Variants in SLC2A7 observed in about 807,000 individuals in gnomAD.
SLC2A7 encodes the protein solute carrier family 2, facilitated glucose transporter member 7.
In SLC2A7, 50 loss-of-function variants were observed where a neutral mutation model predicts 50.5. The ratio of observed to expected loss-of-function variants is 0.99; its 90% confidence interval spans 0.79 to 1.25. The LOEUF (loss-of-function observed/expected upper bound fraction) is 1.25, where lower values mean the gene tolerates loss of function less well. SLC2A7 is among the 50% of genes most tolerant of loss of function. The probability of loss-of-function intolerance (pLI) is 0.00; values close to 1 mark genes in which losing one functional copy is unlikely to be tolerated. For synonymous variants in SLC2A7, 308 were observed against 300.4 expected (o/e 1.03, Z -0.26); for missense variants, 683 against 679.1 (o/e 1.01, Z -0.06).
intron 3 of SLC2A7, among the ~76,000 whole-genome samples, chr1:9,020,698 G>A (rs1640900929): frequency 6.7e-6 from 1 of 148,618 alleles, no homozygotes; most frequent in South Asian, 2.1e-4. Flanking sequence ...TTGAGATGGA[G>A]TCTTGCTCTG....
At chr1:8,996,746 T>C in the SLC2A7 span, among the ~76,000 whole-genome samples, 1 of 152,186 alleles carries the variant, frequency 6.6e-6, no homozygotes, top group Non-Finnish European at 1.5e-5. Context: ...CTCATTGTGG[T>C]TTTAATTTAC....
Position 9,014,711 on chromosome 1 carries a change from C to T in SLC2A7, c.873G>A (p.Met291Ile), listed in dbSNP as rs1376618523. Reference protein sequence around the residue: ...RWQLLSIIVLMAGQQLSGINA... With the variant: ...RWQLLSIIVLIAGQQLSGINA... ...TGATGCCCGACAGCTGCTGGCCGGC[C>T]ATGAGCACGATGATGGAGAGGAGCT... Residue 291 changes from methionine (M) to isoleucine (I), a missense_variant, in exon 7 of 12, where the codon ATG becomes ATA. Physicochemically the swap from Met to Ile is conservative, Grantham distance 10. Transcript: ENST00000400906. 1 of 1,564,836 alleles carries T rather than the reference C, an allele frequency of 6.4e-7. No individual in the cohort carries two copies. The highest frequency in any genetic ancestry group is 8.7e-7 in the Non-Finnish European group (1 of 1,154,676).
In SLC2A7 at chr1:9,010,172, G is replaced by C. The variant is rs1447962908; in HGVS notation, c.1087C>G (p.Leu363Val). 5.2e-6 allele frequency: 8 copies of C among 1,552,294 alleles called. No individual in the cohort carries two copies. Among genetic ancestry groups the C allele is most frequent in the Non-Finnish European group, 7.0e-6 (8 of 1,147,456 alleles). Residue 363 changes from leucine (L) to valine (V), a missense_variant, in exon 9 of 12, where the codon CTG becomes GTG. Coordinates refer to ENST00000400906, the MANE Select transcript of SLC2A7 (RefSeq NM_207420.3). Reference protein sequence around the residue: ...AGYGICGSACLVLTVVLLFQN... With the variant: ...AGYGICGSACVVLTVVLLFQN... The stretch of plus-strand genomic sequence containing the variant: ...AATAGGAGCACCACCGTCAGCACCA[G>C]GCAGGCAGAGCCGCAGATGCCGTAG...
At chr1:9,013,460 C>A (rs1281066213) in intron 8 of SLC2A7, 65 bp downstream of exon 8, 1 of 1,427,636 alleles carries the variant, frequency 7.0e-7, no homozygotes, top group Non-Finnish European at 9.8e-7. Flanking sequence ...CTGTGGGGCT[C>A]CTGTCTGCCT....
rs1364034290 is a variant in SLC2A7 at position 9,010,253 on chromosome 1, G to T, written c.1015-9C>A. On this transcript the variant is annotated splice_polypyrimidine_tract_variant and intron_variant, in intron 8 of 11. Transcript: ENST00000400906. The stretch of plus-strand genomic sequence containing the variant: ...CGCTCCACAAGGACAGCCTGGAGGG[G>T]AAGGGGGACAGTGAGAAGCCGCCTT... The T allele has an allele frequency of 2.6e-6, 4 of 1,549,920 alleles. No homozygotes were observed. The highest frequency in any genetic ancestry group is 3.9e-5 in the Admixed American group (2 of 50,968).
chr1:9,004,722 GA>G, intron 11 of SLC2A7, 29 bp downstream of exon 11: 1 of 1,612,902 alleles, frequency 6.2e-7, no homozygotes, highest in Non-Finnish European at 8.5e-7. Context: ...AGGCCCGGTG[GA>G]GCGGGTTGGG....
At position 9,014,764 on chromosome 1, in the gene SLC2A7, G is replaced by A; in HGVS notation, c.820C>T (p.Leu274Phe). Reference protein sequence around the residue: ...RAEGHLSVLHLCALRSLRWQL... With the variant: ...RAEGHLSVLHFCALRSLRWQL... ...CAGCGCAGGGACCGCAGGGCACAGAGGTGCAGCACAGACAGGTGGCCCTCG... is the reference window on the plus strand; with the variant it reads ...CAGCGCAGGGACCGCAGGGCACAGAAGTGCAGCACAGACAGGTGGCCCTCG... The change falls in exon 7 of 12, where the codon CTC (leucine) becomes TTC (phenylalanine). Residue 274 changes from leucine to phenylalanine, a missense_variant. Transcript: ENST00000400906. 1 of 1,594,280 alleles carries A rather than the reference G, an allele frequency of 6.3e-7. No individual in the cohort carries two copies. Among genetic ancestry groups the A allele is most frequent in the Non-Finnish European group, 8.5e-7 (1 of 1,171,152 alleles).
chr1:9,020,440 G>A (rs1640895162), intron 3 of SLC2A7, among the ~76,000 whole-genome samples: 1 of 152,092 alleles, frequency 6.6e-6, no homozygotes, highest in Non-Finnish European at 1.5e-5. Flanking sequence ...AGGAGAGGGA[G>A]TGCCTGAAAA....
chr1:9,014,689 T>C lies in SLC2A7; in HGVS notation c.895A>G (p.Ile299Val), dbSNP rs1178117033. 1.3e-6 allele frequency: 2 copies of C among 1,556,420 alleles called. No homozygotes were observed. Among genetic ancestry groups the C allele is most frequent in the Non-Finnish European group, 8.7e-7 (1 of 1,149,896 alleles). Residue 299 changes from isoleucine to valine, a missense_variant, in exon 7 of 12, where the codon ATC becomes GTC. Transcript: ENST00000400906. ...VLMAGQQLSG[I>V]NAINYYADTI... ...GCCACCGTCCCACATACCGCATTGATGCCCGACAGCTGCTGGCCGGCCATG... is the reference window on the plus strand; with the variant it reads ...GCCACCGTCCCACATACCGCATTGACGCCCGACAGCTGCTGGCCGGCCATG...
At chr1:8,999,699 G>A (rs1640550019), downstream of SLC2A7, among the ~76,000 whole-genome samples, 2 of 152,218 alleles carry the variant, frequency 1.3e-5, no homozygotes, top group South Asian at 4.1e-4. Flanking sequence ...CTCCAGCAGG[G>A]TGTGTGACCC....
At chr1:9,024,576 G>A (rs1008696350) in intron 2 of SLC2A7, among the ~76,000 whole-genome samples, 4 of 152,144 alleles carry the variant, frequency 2.6e-5, no homozygotes, top group Admixed American at 6.5e-5. Context: ...CACCTGCAAG[G>A]GCCCCTTCTC....
intron 8 of SLC2A7, among the ~76,000 whole-genome samples, chr1:9,011,598 C>T (rs773019777): frequency 5.9e-5 from 9 of 152,048 alleles, no homozygotes; most frequent in African/African-American, 1.4e-4. Context: ...TCACATCATG[C>T]GGGGCCCCTC....
chr1:9,001,944 ACCCTAGC>A (rs1440741747), downstream of SLC2A7, among the ~76,000 whole-genome samples: 1 of 152,144 alleles, frequency 6.6e-6, no homozygotes, highest in African/African-American at 2.4e-5. Flanking sequence ...TTAATCTGTA[ACCCTAGC>A]CCCAACCCTG....
intron 10 of SLC2A7, 31 bp downstream of exon 10, chr1:9,007,279 G>A: frequency 6.2e-7 from 1 of 1,611,764 alleles, no homozygotes; most frequent in Non-Finnish European, 8.5e-7. Context: ...GACCAGGATG[G>A]CCGGGGCGAG....
Position 9,019,431 on chromosome 1 carries a change from C to T in SLC2A7, c.312-98G>A, listed in dbSNP as rs1256245098. ...TCTGCGGGCAGTCACTACAGAGGCG[C>T]GGGGAATGTGCCCGAGAAAGAGCTG... On this transcript the variant is annotated intron_variant, in intron 3 of 11. Transcript: ENST00000400906. 1.9e-5 allele frequency: 28 copies of T among 1,504,604 alleles called. No homozygotes were observed. In the Admixed American group the frequency reaches 2.1e-4, roughly 12 times the overall value. 93.2% of individuals were successfully genotyped at this position (1,504,604 alleles called of 1,614,324 possible).
intron 9 of SLC2A7, among the ~76,000 whole-genome samples, chr1:9,009,477 G>A (rs538950643): frequency 5.9e-5 from 9 of 151,872 alleles, no homozygotes; most frequent in East Asian, 3.9e-4. Context: ...TTTCTTTTTT[G>A]AGACAGGGTC....
In SLC2A7 at chr1:9,004,830, C is replaced by T. The variant is rs1640631293; in HGVS notation, c.1242G>A (p.Arg414=). 6.2e-7 allele frequency: 1 copy of T among 1,614,136 alleles called. No homozygotes were observed. Among genetic ancestry groups the T allele is most frequent in the South Asian group, 1.1e-5 (1 of 91,086 alleles). Residue 414 remains arginine, a synonymous_variant, in exon 11 of 12, where the codon CGG becomes CGA. Transcript: ENST00000400906. ...VRTEIFLQSS[R]RAAFMVDGAV... Reference sequence around the variant, plus strand: ...CCCCGTCCACCATGAAAGCTGCCCGCCGGGAGGACTGCAGGAAGATCTCGG... The same window carrying T: ...CCCCGTCCACCATGAAAGCTGCCCGTCGGGAGGACTGCAGGAAGATCTCGG...
chr1:9,020,822 C>A (rs1215564994), intron 3 of SLC2A7, among the ~76,000 whole-genome samples: 2 of 152,006 alleles, frequency 1.3e-5, no homozygotes, highest in Non-Finnish European at 1.5e-5. Flanking sequence ...GTGGGAGGGA[C>A]CTGGTGGCAG....
intron 10 of SLC2A7, among the ~76,000 whole-genome samples, chr1:9,006,600 C>A (rs1476805412): frequency 6.6e-6 from 1 of 152,196 alleles, no homozygotes; most frequent in East Asian, 1.9e-4. Flanking sequence ...TGGTCTCATT[C>A]ATGTGCCTGA....
Sources: gnomAD v4.1 joint callset for allele counts (sites outside exome capture counted in the v4.1 genomes callset) on GRCh38, gnomAD v4.1.1 for gene constraint, MANE v1.5 for transcripts, NCBI Gene and HGNC (gene_info 2026-07-23, HGNC 2026-07-21) for gene names.